The following PARD3B variants were observed in gnomAD, a reference collection of about 807,000 sequenced individuals.
PARD3B encodes the protein partitioning defective 3 homolog B.
A neutral mutation model predicts 130.2 loss-of-function variants in PARD3B; 103 were observed. The ratio of observed to expected loss-of-function variants is 0.79; its 90% CI spans 0.67 to 0.93. The LOEUF (loss-of-function observed/expected upper bound fraction) is 0.93, where lower values mean the gene tolerates loss of function less well. Ranked by LOEUF, PARD3B falls within the 40% of genes least tolerant of loss-of-function variation. The probability of loss-of-function intolerance (pLI) is 0.00; values close to 1 mark genes in which losing one functional copy is unlikely to be tolerated. For missense variants in PARD3B, 1,609 were observed against 1,499.2 expected (o/e 1.07, Z -1.21); for synonymous variants, 583 against 553.2 (o/e 1.05, Z -0.76).
intron 21 of PARD3B, among the ~76,000 whole-genome samples, chr2:205,532,296 G>A (rs1353339248): frequency 6.6e-6 from 1 of 152,156 alleles, no homozygotes; most frequent in African/African-American, 2.4e-5. Flanking sequence ...ATGTTTCTTT[G>A]TGTTATGTTT....
chr2:204,946,339 T>C (rs16836783), intron 2 of PARD3B, among the ~76,000 whole-genome samples: 6,152 of 152,330 alleles, frequency 0.04, 236 homozygotes, highest in African/African-American at 0.088. Flanking sequence ...TCCTTCCTCA[T>C]TTATTGAGGC....
At chr2:205,324,212 G>A (rs949284962) in intron 18 of PARD3B, among the ~76,000 whole-genome samples, 9 of 152,016 alleles carry the variant, frequency 5.9e-5, no homozygotes, top group African/African-American at 2.2e-4. Flanking sequence ...TAGAATTTAA[G>A]AATCTGTAAA....
chr2:205,245,460 G>GTATTTT (rs2039531363), intron 15 of PARD3B, among the ~76,000 whole-genome samples: 1 of 152,018 alleles, frequency 6.6e-6, no homozygotes, highest in East Asian at 1.9e-4. Flanking sequence ...ATACATCCCT[G>GTATTTT]GGTCTATGAA....
intron 13 of PARD3B, among the ~76,000 whole-genome samples, chr2:205,180,227 C>G (rs1466171603): frequency 2.0e-5 from 3 of 150,114 alleles, no homozygotes; most frequent in African/African-American, 7.4e-5. Flanking sequence ...CCTATCAAAA[C>G]ACAGACTTAT....
intron 2 of PARD3B, among the ~76,000 whole-genome samples, chr2:204,926,498 C>A (rs945341102): frequency 5.3e-5 from 8 of 152,064 alleles, no homozygotes; most frequent in African/African-American, 1.7e-4. Flanking sequence ...AGTCCCAATT[C>A]TAATTATGTT....
At chr2:205,115,530 T>C (rs1208245261) in intron 6 of PARD3B, among the ~76,000 whole-genome samples, 2 of 152,214 alleles carry the variant, frequency 1.3e-5, no homozygotes, top group Non-Finnish European at 2.9e-5. Flanking sequence ...TATAAGTTCA[T>C]GGTTAACTGT....
intron 19 of PARD3B, among the ~76,000 whole-genome samples, chr2:205,427,962 G>A (rs976558902): frequency 1.3e-5 from 2 of 151,742 alleles, no homozygotes; most frequent in Admixed American, 6.6e-5. Context: ...TGTTTTTTTC[G>A]CCATCCCCCC....
intron 18 of PARD3B, among the ~76,000 whole-genome samples, chr2:205,353,724 A>G (rs1299146996): frequency 6.6e-6 from 1 of 152,208 alleles, no homozygotes; most frequent in East Asian, 1.9e-4. Context: ...AACCAAATGC[A>G]GTGGTTTAAA....
chr2:205,253,203 C>G lies in PARD3B; in HGVS notation c.2185+7381C>G, dbSNP rs1256770433. The G allele has an allele frequency of 2.5e-6, 1 of 404,300 alleles. No individual in the cohort carries two copies. The highest frequency in any genetic ancestry group is 6.6e-5 in the East Asian group (1 of 15,076). The allele number at this position is 404,300 out of a possible 1,614,324, so 25.0% of individuals were successfully genotyped here. Reference sequence around the variant, plus strand: ...GGACCAGCTTTTCTGCAGGTGTTGACCAGCAATTTCCTGCGGCATTTACTT... The same window carrying G: ...GGACCAGCTTTTCTGCAGGTGTTGAGCAGCAATTTCCTGCGGCATTTACTT... On this transcript the variant is annotated intron_variant, in intron 16 of 22. Coordinates refer to ENST00000406610, the MANE Select transcript of PARD3B (RefSeq NM_001302769.2). The surrounding 1 kb of genome is among the most constrained non-coding windows in gnomAD (Gnocchi z 4.4).
rs1215248789 is a variant in PARD3B at position 205,176,147 on chromosome 2, A to G, written c.1792-298A>G. 6.6e-6 allele frequency among the ~76,000 whole-genome samples: 1 copy of G among 152,228 alleles called. No individual in the cohort carries two copies. The highest frequency in any genetic ancestry group is 1.9e-4 in the East Asian group (1 of 5,186). On this transcript the variant is annotated intron_variant, in intron 12 of 22. Coordinates refer to ENST00000406610, the MANE Select transcript of PARD3B (RefSeq NM_001302769.2). This position sits in a 1 kb window ranked among gnomAD's most constrained non-coding sequence, Gnocchi z 5.3. The stretch of plus-strand genomic sequence containing the variant: ...CACTGCCACAAGCTGTATTCCCCAG[A>G]TGGAAGAAAATTTGAAAGAAGCCAG...
intron 2 of PARD3B, among the ~76,000 whole-genome samples, chr2:204,729,998 A>AACACACAC (rs3036396): frequency 0.052 from 7,412 of 141,376 alleles, 247 homozygotes; most frequent in African/African-American, 0.086. Flanking sequence ...CACACACACA[A>AACACACAC]ACACACACAC....
At chr2:205,365,801 A>G (rs2105894005) in intron 18 of PARD3B, among the ~76,000 whole-genome samples, 1 of 152,304 alleles carries the variant, frequency 6.6e-6, no homozygotes, top group East Asian at 1.9e-4. Flanking sequence ...TGATGAATTT[A>G]AGATAGGCTT....
intron 1 of PARD3B, among the ~76,000 whole-genome samples, chr2:204,564,384 T>A (rs1444970700): frequency 6.6e-6 from 1 of 151,728 alleles, no homozygotes; most frequent in Non-Finnish European, 1.5e-5. Flanking sequence ...TGAGGGAGAG[T>A]GTATCATGTG....
At position 205,309,965 on chromosome 2, in the gene PARD3B, A is replaced by G. The variant is rs772381207; in HGVS notation, c.2630+8264A>G. Among the ~76,000 whole-genome samples, 4 of 152,114 alleles carry G rather than the reference A, an allele frequency of 2.6e-5. No individual in the cohort carries two copies. The highest frequency in any genetic ancestry group is 4.4e-5 in the Non-Finnish European group (3 of 68,018). On this transcript the variant is annotated intron_variant, in intron 18 of 22. Coordinates refer to ENST00000406610, the MANE Select transcript of PARD3B (RefSeq NM_001302769.2). The surrounding 1 kb of genome is among the most constrained non-coding windows in gnomAD (Gnocchi z 4.7). ...ATTGGAAAGTAAAAACTGTCTATAT[A>G]TGGTATGCAACATGATGTTTTAATA...
intron 3 of PARD3B, among the ~76,000 whole-genome samples, chr2:205,005,518 A>T (rs1002593797): frequency 6.6e-6 from 1 of 152,082 alleles, no homozygotes; most frequent in African/African-American, 2.4e-5. Context: ...AACTGTGGCT[A>T]CTCTTTTCTC....
chr2:205,035,968 G>T (rs1469946039), intron 3 of PARD3B, among the ~76,000 whole-genome samples: 2 of 142,084 alleles, frequency 1.4e-5, no homozygotes, highest in Non-Finnish European at 3.0e-5. Context: ...ACATATAGGG[G>T]ACTATTTATA....
At chr2:205,069,974 G>C (rs1700623051) in intron 4 of PARD3B, among the ~76,000 whole-genome samples, 1 of 152,132 alleles carries the variant, frequency 6.6e-6, no homozygotes, top group Non-Finnish European at 1.5e-5. Context: ...TGTGGCCTAT[G>C]TCCTGTGATA....
intron 3 of PARD3B, 27 bp downstream of exon 3, chr2:204,965,350 T>C (rs751436872): frequency 2.5e-6 from 4 of 1,600,958 alleles, no homozygotes; most frequent in Middle Eastern, 1.7e-4. Context: ...TGATATTCTT[T>C]TCACCTGACT....
chr2:205,064,005 G>A (rs1700212784), intron 4 of PARD3B, among the ~76,000 whole-genome samples: 1 of 152,046 alleles, frequency 6.6e-6, no homozygotes, highest in African/African-American at 2.4e-5. Flanking sequence ...AGGGAAGTGA[G>A]GTAAAAACTG....
Sources: gnomAD v4.1 joint callset for allele counts (sites outside exome capture counted in the v4.1 genomes callset) on GRCh38, gnomAD v4.1.1 for gene constraint, Gnocchi (gnomAD v3.1) non-coding constraint, MANE v1.5 for transcripts, NCBI Gene and HGNC (gene_info 2026-07-23, HGNC 2026-07-21) for gene names.